The following PIMREG variants were observed in gnomAD, a reference collection of about 807,000 sequenced individuals.
The protein encoded by PIMREG is protein PIMREG.
Under a neutral mutation model 24.3 loss-of-function variants are expected in PIMREG, and 19 were observed. The observed-to-expected ratio is 0.78, with a 90% CI of 0.54 to 1.15. The LOEUF (loss-of-function observed/expected upper bound fraction) is 1.15, where lower values mean the gene tolerates loss of function less well. Ranked by LOEUF, PIMREG falls within the 50% of genes most tolerant of loss-of-function variation. The pLI, the probability that PIMREG is intolerant of heterozygous loss-of-function variation, is 0.00. For missense variants in PIMREG, 283 were observed against 306.8 expected, an observed-to-expected ratio of 0.92 and a Z score of 0.58; for synonymous variants, 112 against 124.1, an observed-to-expected ratio of 0.90 and a Z score of 0.65.
chr17:6,448,295 A>AAAAAAAAAAAAAAAAAAC (rs1487249426), intron 3 of PIMREG, among the ~76,000 whole-genome samples: 1 of 149,400 alleles, frequency 6.7e-6, no homozygotes, highest in African/African-American at 2.5e-5. Flanking sequence ...AAAAAAAAAA[A>AAAAAAAAAAAAAAAAAAC]AAAAAAAGAG....
chr17:6,447,805 G>T, intron 3 of PIMREG, 47 bp downstream of exon 3: 1 of 1,534,590 alleles, frequency 6.5e-7, no homozygotes, highest in East Asian at 2.3e-5. Context: ...CTTTTAACCT[G>T]GGCACAATCC....
chr17:6,445,326 G>A lies in PIMREG; in HGVS notation c.216G>A (p.Leu72=). The A allele has an allele frequency of 1.2e-6, 2 of 1,614,142 alleles. No individual in the cohort carries two copies. Among genetic ancestry groups the A allele is most frequent in the Non-Finnish European group, 1.7e-6 (2 of 1,180,026 alleles). ...NLRAGPSWKR[L]ETPEPGQQGL... is the part of the protein sequence containing the mutation. ...GCGCAGGGCCCTCCTGGAAACGCCT[G>A]GAAACCCCAGAGCCAGGTCAGCAGG... is the stretch of plus-strand genomic sequence containing the variant. Residue 72 remains leucine (L), a synonymous_variant, in exon 2 of 6, where the codon CTG becomes CTA. Transcript: ENST00000572447.
At chr17:6,448,924 G>A (rs189413141) in intron 3 of PIMREG, among the ~76,000 whole-genome samples, 50 of 152,308 alleles carry the variant, frequency 3.3e-4, no homozygotes, top group Admixed American at 2.9e-3. Context: ...CCGGTTCCGC[G>A]TCCAGAGCCA....
chr17:6,449,133 G>A (rs1913703326), intron 3 of PIMREG, among the ~76,000 whole-genome samples, 179 bp from the exon 4 acceptor site: 1 of 152,190 alleles, frequency 6.6e-6, no homozygotes, highest in African/African-American at 2.4e-5. Flanking sequence ...TTGGCCTCGT[G>A]GATCTTGATC....
Position 6,450,775 on chromosome 17 carries a change from G to C in PIMREG, c.*428G>C. On this transcript the variant is annotated 3_prime_UTR_variant, in exon 6 of 6. Transcript: ENST00000572447. The stretch of plus-strand genomic sequence containing the variant: ...AGAGTCACTCACCCACTGTGTTTCT[G>C]GTGCCAAGGCTCTTGAGGGCCCCAC... 1 of 247,026 alleles carries C rather than the reference G, an allele frequency of 4.0e-6. No individual in the cohort carries two copies. The highest frequency in any genetic ancestry group is 7.8e-6 in the Non-Finnish European group (1 of 128,654). 15.3% of individuals were successfully genotyped at this position (247,026 alleles called of 1,614,324 possible).
chr17:6,449,278 A>G lies in PIMREG; in HGVS notation c.591-34A>G, dbSNP rs372470423. 5.0e-5 allele frequency: 79 copies of G among 1,580,260 alleles called. No individual in the cohort carries two copies. In the African/African-American group the frequency reaches 6.6e-4, roughly 13 times the overall value. ...AAGGGTCTCCTGCCGGGAGTTTCCA[A>G]CTAGTCACTGGTGTGGCTTTTTCTT... On this transcript the variant is annotated intron_variant, in intron 3 of 5. Coordinates refer to ENST00000572447, the MANE Select transcript of PIMREG (RefSeq NM_019013.3).
Position 6,450,565 on chromosome 17 carries a change from G to A in PIMREG, c.*218G>A. ...TGCCATAGCCTGAGAGTGTCTTGGG[G>A]AGACCTTGCAGAGGGGGAGAATTGT... On this transcript the variant is annotated 3_prime_UTR_variant, in exon 6 of 6. Transcript: ENST00000572447. 1.7e-6 allele frequency: 1 copy of A among 600,532 alleles called. No homozygotes were observed. The highest frequency in any genetic ancestry group is 1.8e-5 in the African/African-American group (1 of 54,130). The allele number at this position is 600,532 out of a possible 1,614,324, so 37.2% of individuals were successfully genotyped here. A position where few individuals can be genotyped will look rare whatever the true frequency, so the allele number is the denominator to read the frequency against.
intron 5 of PIMREG, 117 bp downstream of exon 5, chr17:6,450,189 T>C (rs1198045844): frequency 7.9e-7 from 1 of 1,258,642 alleles, no homozygotes; most frequent in East Asian, 2.4e-5. Context: ...TAGTACCTAC[T>C]TGCCGCTTGA....
chr17:6,445,415 C>T lies in PIMREG; in HGVS notation c.294+11C>T. On this transcript the variant is annotated intron_variant, in intron 2 of 5. Transcript: ENST00000572447. ...GGTGCCGTGTCCCAGGTAATACTGACAACACTAATCATCTTTTTTATGGAG... is the reference window on the plus strand; with the variant it reads ...GGTGCCGTGTCCCAGGTAATACTGATAACACTAATCATCTTTTTTATGGAG... 6.3e-7 allele frequency: 1 copy of T among 1,589,112 alleles called. No individual in the cohort carries two copies. The highest frequency in any genetic ancestry group is 8.6e-7 in the Non-Finnish European group (1 of 1,165,490).
At position 6,448,282 on chromosome 17, in the gene PIMREG, C is replaced by CAAAA. The variant is rs71154695; in HGVS notation, c.590+541_590+544dup. 6.3e-4 allele frequency among the ~76,000 whole-genome samples: 26 copies of CAAAA among 41,288 alleles called. 1 individual carries two copies. The highest frequency in any genetic ancestry group is 1.5e-3 in the African/African-American group (16 of 10,546). The allele number at this position is 41,288 out of a possible 152,430, so 27.1% of individuals were successfully genotyped here. A position where few individuals can be genotyped will look rare whatever the true frequency, so the allele number is the denominator to read the frequency against. On this transcript the variant is annotated intron_variant, in intron 3 of 5. Coordinates refer to ENST00000572447, the MANE Select transcript of PIMREG (RefSeq NM_019013.3). Reference sequence around the variant, plus strand: ...AGGGCCACAGAGCCAGACCCTGTCTCAAAAAAAAAAAAAAAAAAAAGAGAG... The same window carrying CAAAA: ...AGGGCCACAGAGCCAGACCCTGTCTCAAAAAAAAAAAAAAAAAAAAAAAAGAGAG...
Position 6,447,456 on chromosome 17 carries a change from G to A in PIMREG, c.295-7G>A, listed in dbSNP as rs1567651353. The A allele has an allele frequency of 1.2e-6, 2 of 1,612,800 alleles. No homozygotes were observed. The highest frequency in any genetic ancestry group is 2.2e-5 in the East Asian group (1 of 44,852). ...TCTGTGCTAACCTTTCCATTTGCCT[G>A]TTCCAGAGAATCCAGGAGTCCTGCC... On this transcript the variant is annotated splice_polypyrimidine_tract_variant and splice_region_variant and intron_variant, in intron 2 of 5. Coordinates refer to ENST00000572447, the MANE Select transcript of PIMREG (RefSeq NM_019013.3).
chr17:6,450,119 T>A lies in PIMREG; in HGVS notation c.*14+47T>A. ...TCTTTCTCACTGTCCTTCTCCTCCA[T>A]CTCATGCATGAGCAAGTTAAAGAAA... On this transcript the variant is annotated intron_variant, in intron 5 of 5. Coordinates refer to ENST00000572447, the MANE Select transcript of PIMREG (RefSeq NM_019013.3). 10 of 1,587,708 alleles carry A rather than the reference T, an allele frequency of 6.3e-6. No homozygotes were observed. In the South Asian group the frequency reaches 1.1e-4, roughly 18 times the overall value.
chr17:6,447,981 T>C (rs1913651097), intron 3 of PIMREG, among the ~76,000 whole-genome samples: 1 of 151,966 alleles, frequency 6.6e-6, no homozygotes, highest in Non-Finnish European at 1.5e-5. Context: ...ATGTATTTGC[T>C]CATCAGAAAA....
chr17:6,446,792 A>G (rs1913587680), intron 2 of PIMREG, among the ~76,000 whole-genome samples: 1 of 152,158 alleles, frequency 6.6e-6, no homozygotes. Flanking sequence ...CTCTTGGTGT[A>G]CAGGGGGTGC....
chr17:6,447,612 T>C lies in PIMREG; in HGVS notation c.444T>C (p.Pro148=). 6.2e-7 allele frequency: 1 copy of C among 1,613,986 alleles called. No homozygotes were observed. Residue 148 remains proline, a synonymous_variant, in exon 3 of 6, where the codon CCT becomes CCC. Transcript: ENST00000572447. ...QKSTRLSGAA[P]AHSAADPWEK... is the part of the protein sequence containing the mutation. ...GCACCCGGCTGTCTGGAGCCGCCCC[T>C]GCCCACTCAGCCGCAGACCCCTGGG...
rs1251608901 is a variant in PIMREG at position 6,444,566 on chromosome 17, T to A, written c.-36+78T>A. ...ATGGCGCGATCTGGACTCAAAACAA[T>A]TTTTTTGTTCGGAGGGGAGGGCATC... On this transcript the variant is annotated intron_variant, in intron 1 of 5. Transcript: ENST00000572447. This position sits in a 1 kb window ranked among gnomAD's most constrained non-coding sequence, Gnocchi z 4.3. The A allele has an allele frequency of 6.5e-6, 1 of 153,792 alleles. No homozygotes were observed. Among genetic ancestry groups the A allele is most frequent in the East Asian group, 1.9e-4 (1 of 5,206 alleles). 9.5% of individuals were successfully genotyped at this position (153,792 alleles called of 1,614,324 possible). A position where few individuals can be genotyped will look rare whatever the true frequency, so the allele number is the denominator to read the frequency against.
Position 6,447,393 on chromosome 17 carries a change from G to A in PIMREG, c.295-70G>A, listed in dbSNP as rs1913619388. Reference sequence around the variant, plus strand: ...GGCCTCCCAAAGTACTGGGATTATAGGCGTGAGCCACCGCGCCCGGCCTAA... The same window carrying A: ...GGCCTCCCAAAGTACTGGGATTATAAGCGTGAGCCACCGCGCCCGGCCTAA... On this transcript the variant is annotated intron_variant, in intron 2 of 5. Coordinates refer to ENST00000572447, the MANE Select transcript of PIMREG (RefSeq NM_019013.3). 1.4e-5 allele frequency: 21 copies of A among 1,533,916 alleles called. No individual in the cohort carries two copies. In the South Asian group the frequency reaches 2.3e-4, roughly 17 times the overall value.
rs984826974 is a variant in PIMREG at position 6,445,042 on chromosome 17, G to A, written c.-35-34G>A. Reference sequence around the variant, plus strand: ...GGGCCTGGGAATGGGTATGGGGAATGCCTTGCTGATCTGCCTTTCGCCCTC... The same window carrying A: ...GGGCCTGGGAATGGGTATGGGGAATACCTTGCTGATCTGCCTTTCGCCCTC... On this transcript the variant is annotated intron_variant, in intron 1 of 5. Transcript: ENST00000572447. 16 of 1,449,392 alleles carry A rather than the reference G, an allele frequency of 1.1e-5. No homozygotes were observed. The South Asian group carries it at 2.2e-4, about 20-fold the overall frequency. 89.8% of individuals were successfully genotyped at this position (1,449,392 alleles called of 1,614,324 possible).
At position 6,449,474 on chromosome 17, in the gene PIMREG, A is replaced by C. The variant is rs1913724133; in HGVS notation, c.686+67A>C. ...GGCCCCTCCAGCCATCTTTGTAGGCAGGCGTTGGTTCTGCTCTGACCTGCT... is the reference window on the plus strand; with the variant it reads ...GGCCCCTCCAGCCATCTTTGTAGGCCGGCGTTGGTTCTGCTCTGACCTGCT... On this transcript the variant is annotated intron_variant, in intron 4 of 5. Transcript: ENST00000572447. The C allele has an allele frequency of 2.1e-6, 3 of 1,452,196 alleles. No homozygotes were observed. The South Asian group carries it at 3.8e-5, about 18-fold the overall frequency. 90.0% of individuals were successfully genotyped at this position (1,452,196 alleles called of 1,614,324 possible).
Sources: allele counts gnomAD v4.1 joint callset (sites outside exome capture counted in the v4.1 genomes callset), GRCh38; gene constraint gnomAD v4.1.1; non-coding constraint Gnocchi (gnomAD v3.1); transcripts MANE v1.5; gene names NCBI Gene and HGNC (gene_info 2026-07-23, HGNC 2026-07-21).